Variants in ARHGAP28 observed in about 807,000 individuals in gnomAD.
ARHGAP28 encodes Rho GTPase activating protein 28.
A neutral mutation model predicts 90.7 loss-of-function variants in ARHGAP28; 56 were observed. The observed-to-expected ratio is 0.62, with a 90% CI of 0.50 to 0.77. ARHGAP28 has a LOEUF of 0.77. ARHGAP28 is among the 30% of genes least tolerant of loss of function. The probability of loss-of-function intolerance (pLI) is 0.00; values close to 1 mark genes in which losing one functional copy is unlikely to be tolerated. For synonymous variants in ARHGAP28, 308 were observed against 323.3 expected, an observed-to-expected ratio of 0.95 and a Z score of 0.51; for missense variants, 869 against 900.9, an observed-to-expected ratio of 0.96 and a Z score of 0.45.
chr18:6,752,837 G>A (rs1180778236), intron 1 of ARHGAP28, among the ~76,000 whole-genome samples: 1 of 152,124 alleles, frequency 6.6e-6, no homozygotes, highest in Non-Finnish European at 1.5e-5. Context: ...AGAAGTTTGG[G>A]CTTCTAAGAA....
At chr18:6,839,316 C>G (rs1347977740) in intron 3 of ARHGAP28, among the ~76,000 whole-genome samples, 2 of 113,200 alleles carry the variant, frequency 1.8e-5, no homozygotes, top group South Asian at 5.0e-4. Context: ...TTTTTTGAGA[C>G]AGCGTCTCGC....
At chr18:6,786,817 A>T (rs180681085) in intron 1 of ARHGAP28, among the ~76,000 whole-genome samples, 15 of 152,266 alleles carry the variant, frequency 9.9e-5, no homozygotes, top group African/African-American at 3.6e-4. Context: ...CTAAAATAGC[A>T]AATTTTCTTT....
intron 12 of ARHGAP28, among the ~76,000 whole-genome samples, chr18:6,888,397 A>T (rs773950469): frequency 6.6e-6 from 1 of 152,178 alleles, no homozygotes; most frequent in Non-Finnish European, 1.5e-5. Flanking sequence ...TAATGCTGAA[A>T]ACAAAGATGG....
In ARHGAP28 at chr18:6,744,888, C is replaced by T. The variant is rs879897643; in HGVS notation, c.122+14945C>T. On this transcript the variant is annotated intron_variant, in intron 1 of 17. Transcript: ENST00000383472. The stretch of plus-strand genomic sequence containing the variant: ...TTTTCAAAGTTAAAGAGAGTATTCA[C>T]GAAAAACTTCTTTTTTGAAAGATAA... Among the ~76,000 whole-genome samples the T allele has an allele frequency of 5.3e-5, 8 of 151,732 alleles. No individual in the cohort carries two copies. In the South Asian group the frequency reaches 6.3e-4, roughly 12 times the overall value.
At chr18:6,884,031 A>G (rs905194419) in intron 11 of ARHGAP28, among the ~76,000 whole-genome samples, 2 of 152,148 alleles carry the variant, frequency 1.3e-5, no homozygotes, top group African/African-American at 2.4e-5. Flanking sequence ...ATTCATTATA[A>G]TCATATTTTC....
chr18:6,777,724 CAATG>C (rs899041714), intron 1 of ARHGAP28, among the ~76,000 whole-genome samples: 40 of 151,322 alleles, frequency 2.6e-4, no homozygotes, highest in South Asian at 4.2e-4. Flanking sequence ...GACCCTGTCT[CAATG>C]AATGAATGAA....
At chr18:6,900,236 A>G (rs1216307062) in intron 16 of ARHGAP28, among the ~76,000 whole-genome samples, 1 of 152,144 alleles carries the variant, frequency 6.6e-6, no homozygotes. Flanking sequence ...CCAGAGTCTC[A>G]ACATATCATA....
intron 3 of ARHGAP28, among the ~76,000 whole-genome samples, chr18:6,850,318 G>GT (rs1369428787): frequency 6.6e-6 from 1 of 152,068 alleles, no homozygotes; most frequent in Non-Finnish European, 1.5e-5. Context: ...CATGATGTTG[G>GT]TTTTCTCTTG....
chr18:6,812,571 A>T (rs1420218374), intron 1 of ARHGAP28, among the ~76,000 whole-genome samples: 2 of 152,140 alleles, frequency 1.3e-5, no homozygotes, highest in African/African-American at 4.8e-5. Flanking sequence ...GACTAAGATG[A>T]CAGAAAATAA....
chr18:6,875,608 CA>C (rs2057124970), intron 9 of ARHGAP28, among the ~76,000 whole-genome samples: 1 of 152,174 alleles, frequency 6.6e-6, no homozygotes, highest in Non-Finnish European at 1.5e-5. Flanking sequence ...TACACATAAT[CA>C]ATGCACAATA....
chr18:6,880,664 G>A (rs1375652516), intron 10 of ARHGAP28, among the ~76,000 whole-genome samples: 2 of 152,178 alleles, frequency 1.3e-5, no homozygotes, highest in African/African-American at 2.4e-5. Context: ...GGATCTGCTG[G>A]CATTTGTATC....
At chr18:6,894,931 A>G (rs781478326) in intron 15 of ARHGAP28, 40 bp downstream of exon 15, 14 of 1,569,184 alleles carry the variant, frequency 8.9e-6, no homozygotes, top group Non-Finnish European at 1.2e-5. Context: ...TTAACTCCCT[A>G]TATAGTCTTC....
intron 1 of ARHGAP28, among the ~76,000 whole-genome samples, chr18:6,765,139 A>G (rs1462161486): frequency 1.3e-5 from 2 of 152,198 alleles, no homozygotes; most frequent in East Asian, 1.9e-4. Flanking sequence ...GTCTTTGTAC[A>G]GATGGTTTTG....
At chr18:6,910,968 C>T (rs977068284) in intron 17 of ARHGAP28, among the ~76,000 whole-genome samples, 5 of 151,972 alleles carry the variant, frequency 3.3e-5, no homozygotes, top group Admixed American at 1.3e-4. Context: ...CCTCAGCCTC[C>T]GGAGTAGCTG....
intron 3 of ARHGAP28, among the ~76,000 whole-genome samples, chr18:6,841,528 TA>T (rs2056827706): frequency 6.6e-6 from 1 of 151,770 alleles, no homozygotes; most frequent in Non-Finnish European, 1.5e-5. Flanking sequence ...GTATTTATCT[TA>T]TATTTATCTA....
intron 1 of ARHGAP28, among the ~76,000 whole-genome samples, chr18:6,776,682 A>G (rs73941107): frequency 0.092 from 13,984 of 152,242 alleles, 908 homozygotes; most frequent in East Asian, 0.35. Context: ...TAGGTAACAC[A>G]TCTTAGTTAT....
chr18:6,816,568 C>G (rs952580715), intron 1 of ARHGAP28, among the ~76,000 whole-genome samples: 2 of 152,188 alleles, frequency 1.3e-5, no homozygotes, highest in African/African-American at 4.8e-5. Flanking sequence ...TAATGGAGAA[C>G]TCAAGTCTTC....
chr18:6,873,273 G>A (rs2057104013), intron 7 of ARHGAP28, 136 bp from the exon 8 acceptor site: 8 of 701,168 alleles, frequency 1.1e-5, no homozygotes, highest in Middle Eastern at 3.9e-4. Context: ...TTTCTAGGAT[G>A]CAGCATGCTC....
intron 2 of ARHGAP28, among the ~76,000 whole-genome samples, chr18:6,827,720 G>A (rs552247773): frequency 3.3e-5 from 5 of 151,832 alleles, no homozygotes; most frequent in East Asian, 2.0e-4. Flanking sequence ...TGTGGTTGCC[G>A]GGTGGAGGGG....
Sources: gnomAD v4.1 joint callset for allele counts (sites outside exome capture counted in the v4.1 genomes callset) on GRCh38, gnomAD v4.1.1 for gene constraint, MANE v1.5 for transcripts, NCBI Gene and HGNC (gene_info 2026-07-23, HGNC 2026-07-21) for gene names.